The following TMEM117 variants were observed in gnomAD, a reference collection of about 807,000 sequenced individuals.
TMEM117 encodes transmembrane protein 117.
TMEM117 carries 27 observed loss-of-function variants against 52.4 expected under a neutral mutation model. The observed-to-expected ratio is 0.51, with a 90% CI of 0.38 to 0.71. The LOEUF (loss-of-function observed/expected upper bound fraction) is 0.71. Among genes scored for constraint, TMEM117 ranks in the 30% least tolerant of loss-of-function variants. The probability of loss-of-function intolerance (pLI) is 0.00; values close to 1 mark genes in which losing one functional copy is unlikely to be tolerated. For synonymous variants in TMEM117, 215 were observed against 206.3 expected (o/e 1.04, Z -0.36); for missense variants, 556 against 630.5 (o/e 0.88, Z 1.26).
chr12:43,868,874 AAG>A (rs1329498536), intron 2 of TMEM117, among the ~76,000 whole-genome samples: 5 of 104,234 alleles, frequency 4.8e-5, no homozygotes, highest in African/African-American at 2.5e-5. Flanking sequence ...GAAAAGGAAA[AAG>A]AAAAACAATA....
chr12:44,051,783 C>T (rs1228901503), intron 3 of TMEM117, among the ~76,000 whole-genome samples: 1 of 152,152 alleles, frequency 6.6e-6, no homozygotes, highest in Non-Finnish European at 1.5e-5. Context: ...AAAGTTACCC[C>T]ACTCATTATT....
At chr12:43,982,085 AAT>A (rs1199835183) in intron 3 of TMEM117, among the ~76,000 whole-genome samples, 6 of 152,190 alleles carry the variant, frequency 3.9e-5, no homozygotes, top group Non-Finnish European at 7.4e-5. Flanking sequence ...ATCATTATGC[AAT>A]ATATATATGT....
chr12:44,064,113 C>T (rs1330598722), intron 3 of TMEM117, among the ~76,000 whole-genome samples: 1 of 151,924 alleles, frequency 6.6e-6, no homozygotes, highest in Non-Finnish European at 1.5e-5. Context: ...AAAAAGACAA[C>T]CACAGAGAAA....
chr12:44,369,542 T>G (rs374267522), intron 6 of TMEM117, among the ~76,000 whole-genome samples: 12 of 152,210 alleles, frequency 7.9e-5, no homozygotes, highest in Admixed American at 5.2e-4. Flanking sequence ...GAAAAATGAT[T>G]GATGAATAAA....
At chr12:43,854,142 A>T (rs1367068825) in intron 2 of TMEM117, among the ~76,000 whole-genome samples, 1 of 152,204 alleles carries the variant, frequency 6.6e-6, no homozygotes, top group Non-Finnish European at 1.5e-5. Context: ...CAACGAAAAT[A>T]TTTGAACAAT....
intron 6 of TMEM117, among the ~76,000 whole-genome samples, chr12:44,346,804 TGCCATAG>T (rs1027415831): frequency 2.6e-5 from 4 of 152,092 alleles, no homozygotes; most frequent in Admixed American, 6.6e-5. Flanking sequence ...AGGGAAAAGA[TGCCATAG>T]GCCAAAATAT....
intron 3 of TMEM117, among the ~76,000 whole-genome samples, chr12:44,026,557 G>T (rs1248205738): frequency 1.3e-5 from 2 of 151,932 alleles, no homozygotes; most frequent in African/African-American, 2.4e-5. Flanking sequence ...TTTTTTTGTA[G>T]CATTTATTAT....
intron 5 of TMEM117, among the ~76,000 whole-genome samples, chr12:44,217,076 A>G (rs1949728117): frequency 1.3e-5 from 2 of 152,204 alleles, no homozygotes; most frequent in Admixed American, 1.3e-4. Flanking sequence ...AATGATTATT[A>G]TCTTAATATA....
At chr12:44,146,994 C>G (rs769581367) in intron 4 of TMEM117, among the ~76,000 whole-genome samples, 1 of 152,174 alleles carries the variant, frequency 6.6e-6, no homozygotes, top group Non-Finnish European at 1.5e-5. Flanking sequence ...TACAGAGCTT[C>G]AAGCTCTGCT....
At chr12:43,889,737 GA>G (rs1234458596) in intron 2 of TMEM117, among the ~76,000 whole-genome samples, 1 of 152,124 alleles carries the variant, frequency 6.6e-6, no homozygotes, top group African/African-American at 2.4e-5. Flanking sequence ...CTGAAACTAT[GA>G]AAAAAGCAAG....
intron 5 of TMEM117, chr12:44,249,092 A>T (rs972231567): frequency 6.6e-6 from 1 of 152,258 alleles, no homozygotes; most frequent in African/African-American, 2.4e-5. Context: ...CCCTTTACTC[A>T]TGGCAGAAGG....
chr12:44,306,632 G>A (rs17094405), intron 6 of TMEM117, among the ~76,000 whole-genome samples: 7,140 of 152,216 alleles, frequency 0.047, 345 homozygotes, highest in African/African-American at 0.12. Context: ...AGGAGAGGAA[G>A]TGTTTTATCA....
intron 3 of TMEM117, among the ~76,000 whole-genome samples, chr12:44,099,734 A>G (rs1186150438): frequency 6.6e-6 from 1 of 152,030 alleles, no homozygotes; most frequent in Admixed American, 6.6e-5. Context: ...AAATGTTACC[A>G]ATGAGGAGGA....
At chr12:43,874,559 C>T (rs1320848403) in intron 2 of TMEM117, among the ~76,000 whole-genome samples, 1 of 152,152 alleles carries the variant, frequency 6.6e-6, no homozygotes, top group Non-Finnish European at 1.5e-5. Flanking sequence ...CCACTGCACT[C>T]CAGCCTGGGC....
At chr12:44,048,605 AATAAAGGGCAG>A (rs753378138) in intron 3 of TMEM117, among the ~76,000 whole-genome samples, 1 of 152,228 alleles carries the variant, frequency 6.6e-6, no homozygotes, top group Non-Finnish European at 1.5e-5. Context: ...CAGTGCACAA[AATAAAGGGCAG>A]AACTGAGGCT....
intron 5 of TMEM117, among the ~76,000 whole-genome samples, chr12:44,243,540 T>A (rs1212789038): frequency 1.3e-5 from 2 of 151,938 alleles, no homozygotes; most frequent in African/African-American, 2.4e-5. Flanking sequence ...AGGTACAATG[T>A]GGTGCTATGA....
chr12:44,297,985 C>T (rs1950789541), intron 5 of TMEM117, among the ~76,000 whole-genome samples: 1 of 151,912 alleles, frequency 6.6e-6, no homozygotes, highest in South Asian at 2.1e-4. Flanking sequence ...GGTCGTGAGT[C>T]AAATTCTTTT....
chr12:43,834,465 C>G (rs926023235), upstream of TMEM117, among the ~76,000 whole-genome samples: 3 of 151,986 alleles, frequency 2.0e-5, no homozygotes, highest in Non-Finnish European at 4.4e-5. Flanking sequence ...AAAGAAGTTG[C>G]AAAAAAGAAC....
chr12:44,227,498 A>G (rs903275068), intron 5 of TMEM117, among the ~76,000 whole-genome samples: 2 of 152,154 alleles, frequency 1.3e-5, no homozygotes, highest in Non-Finnish European at 2.9e-5. Flanking sequence ...CAAAAGCAAG[A>G]AAATGGATTA....
Sources: gnomAD v4.1 joint callset for allele counts (sites outside exome capture counted in the v4.1 genomes callset) on GRCh38, gnomAD v4.1.1 for gene constraint, MANE v1.5 for transcripts, NCBI Gene and HGNC (gene_info 2026-07-23, HGNC 2026-07-21) for gene names.